The following LDLRAD4 variants were observed in gnomAD, a reference collection of about 807,000 sequenced individuals.
LDLRAD4 encodes low-density lipoprotein receptor class A domain-containing protein 4.
In LDLRAD4, 5 loss-of-function variants were observed where a neutral mutation model predicts 17.0. That is an observed-to-expected ratio of 0.29 (90% CI 0.15 to 0.62). The LOEUF is 0.62. Among genes scored for constraint, LDLRAD4 ranks in the 20% least tolerant of loss-of-function variants. The probability of loss-of-function intolerance (pLI) is 0.84; values close to 1 mark genes in which losing one functional copy is unlikely to be tolerated. For synonymous variants in LDLRAD4, 168 were observed against 171.8 expected, an observed-to-expected ratio of 0.98 and a Z score of 0.17; for missense variants, 340 against 424.7, an observed-to-expected ratio of 0.80 and a Z score of 1.75.
chr18:13,410,283 A>G (rs1454831694), intron 2 of LDLRAD4, among the ~76,000 whole-genome samples: 1 of 152,172 alleles, frequency 6.6e-6, no homozygotes, highest in Admixed American at 6.5e-5. Flanking sequence ...AGGCTCCTAG[A>G]TGGGATCCTG....
intron 3 of LDLRAD4, among the ~76,000 whole-genome samples, chr18:13,475,055 C>T (rs1202537816): frequency 1.3e-5 from 2 of 152,100 alleles, no homozygotes; most frequent in Non-Finnish European, 2.9e-5. Context: ...TGGGAAGCAC[C>T]CAAAGAAGCC....
intron 3 of LDLRAD4, among the ~76,000 whole-genome samples, chr18:13,537,464 A>T (rs1601195187): frequency 6.6e-6 from 1 of 152,136 alleles, no homozygotes; most frequent in Non-Finnish European, 1.5e-5. Context: ...TGCAACCTAG[A>T]TCCCTCACCT....
At position 13,460,541 on chromosome 18, in the gene LDLRAD4, C is replaced by T. The variant is rs187108242; in HGVS notation, c.181+22157C>T. Among the ~76,000 whole-genome samples the T allele has an allele frequency of 8.1e-4, 124 of 152,338 alleles. 1 individual carries two copies. The highest frequency in any genetic ancestry group is 2.8e-3 in the African/African-American group (117 of 41,566). ...ATTAGAGTGGACCCATGTCATCTGA[C>T]GAAGCCATGTGTCTGTTTTGTATTT... On this transcript the variant is annotated intron_variant, in intron 3 of 5. Transcript: ENST00000359446.
At chr18:13,352,881 A>G (rs1044761027) in intron 1 of LDLRAD4, among the ~76,000 whole-genome samples, 16 of 152,138 alleles carry the variant, frequency 1.1e-4, no homozygotes, top group African/African-American at 3.9e-4. Flanking sequence ...CCTGTAATAT[A>G]TTTTTGAAAA....
chr18:13,625,644 G>T (rs1391036764), intron 4 of LDLRAD4, among the ~76,000 whole-genome samples: 1 of 151,992 alleles, frequency 6.6e-6, no homozygotes, highest in African/African-American at 2.4e-5. Context: ...TGTCCCATAG[G>T]GTGTGCTCCT....
chr18:13,408,056 C>G (rs1421818430), intron 2 of LDLRAD4, among the ~76,000 whole-genome samples: 2 of 152,148 alleles, frequency 1.3e-5, no homozygotes, highest in African/African-American at 4.8e-5. Context: ...GTTACAATTA[C>G]TGTCACCTTA....
At position 13,546,722 on chromosome 18, in the gene LDLRAD4, G is replaced by A. The variant is rs1334096358; in HGVS notation, c.182-74395G>A. 5.3e-5 allele frequency among the ~76,000 whole-genome samples: 8 copies of A among 152,272 alleles called. No individual in the cohort carries two copies. The South Asian group carries it at 1.0e-3, about 20-fold the overall frequency. On this transcript the variant is annotated intron_variant, in intron 3 of 5. Transcript: ENST00000359446. Reference sequence around the variant, plus strand: ...ATGCAAGCTCATTAGGCCTGATGCTGTCGGGCACGTGGTTCCCCCATCCGC... The same window carrying A: ...ATGCAAGCTCATTAGGCCTGATGCTATCGGGCACGTGGTTCCCCCATCCGC...
intron 1 of LDLRAD4, among the ~76,000 whole-genome samples, chr18:13,291,720 T>C (rs966992989): frequency 6.6e-6 from 1 of 152,150 alleles, no homozygotes; most frequent in African/African-American, 2.4e-5. Context: ...ACTCCTGAAT[T>C]TTAACGAAGC....
intron 3 of LDLRAD4, among the ~76,000 whole-genome samples, chr18:13,586,492 A>T (rs1323541116): frequency 1.3e-5 from 2 of 151,524 alleles, no homozygotes; most frequent in Non-Finnish European, 2.9e-5. Context: ...CTGCCAACCA[A>T]GTGAAGTCAG....
chr18:13,350,771 A>G (rs1263792988), intron 1 of LDLRAD4, among the ~76,000 whole-genome samples: 1 of 152,170 alleles, frequency 6.6e-6, no homozygotes, highest in Non-Finnish European at 1.5e-5. Context: ...GAGGTTTTAC[A>G]TTTAAGTTTT....
At chr18:13,542,252 AC>A (rs942859946) in intron 3 of LDLRAD4, 4 of 152,196 alleles carry the variant, frequency 2.6e-5, no homozygotes, top group Non-Finnish European at 5.9e-5. Flanking sequence ...TTTAATCTCC[AC>A]TGTGAGACAG....
At chr18:13,441,918 C>T (rs974291760) in intron 3 of LDLRAD4, among the ~76,000 whole-genome samples, 1 of 152,098 alleles carries the variant, frequency 6.6e-6, no homozygotes, top group Non-Finnish European at 1.5e-5. Context: ...TTTGCATGGA[C>T]GTGGAGGTCT....
At chr18:13,293,639 A>G (rs1275088249) in intron 1 of LDLRAD4, among the ~76,000 whole-genome samples, 3 of 152,232 alleles carry the variant, frequency 2.0e-5, no homozygotes, top group African/African-American at 7.2e-5. Context: ...GGATTAAATC[A>G]TAACTTTAGA....
At position 13,444,281 on chromosome 18, in the gene LDLRAD4, C is replaced by G. The variant is rs1003456033; in HGVS notation, c.181+5897C>G. Among the ~76,000 whole-genome samples, 7 of 152,298 alleles carry G rather than the reference C, an allele frequency of 4.6e-5. No individual in the cohort carries two copies. In the South Asian group the frequency reaches 6.2e-4, roughly 14 times the overall value. ...TGGATAGCCAACTCCCAGGTCGCAT[C>G]TGGAATTTGGGGATTGTCAATGACC... On this transcript the variant is annotated intron_variant, in intron 3 of 5. Coordinates refer to ENST00000359446, the Ensembl canonical transcript of LDLRAD4.
intron 1 of LDLRAD4, among the ~76,000 whole-genome samples, chr18:13,301,151 C>T (rs78791893): frequency 0.072 from 11,008 of 152,202 alleles, 1,012 homozygotes; most frequent in East Asian, 0.43. Flanking sequence ...GCTGCCTACT[C>T]GGTCCTATCT....
At chr18:13,601,924 G>A (rs1041964956) in intron 3 of LDLRAD4, among the ~76,000 whole-genome samples, 3 of 152,194 alleles carry the variant, frequency 2.0e-5, no homozygotes, top group East Asian at 1.9e-4. Context: ...ATGTCCATCC[G>A]TAGTGGATGA....
intron 1 of LDLRAD4, among the ~76,000 whole-genome samples, chr18:13,345,874 T>G (rs1349740894): frequency 6.6e-6 from 1 of 152,218 alleles, no homozygotes. Context: ...ATAGAGGTGT[T>G]TATAGTATTC....
Position 13,370,715 on chromosome 18 carries a change from T to TTTTTTTTTTTGTTTG in LDLRAD4, c.-382-16616_-382-16615insGTTTGTTTTTTTTTT, listed in dbSNP as rs1555663257. ...TCTCTTTCATGGTTTTTTGTTTTGT[T>TTTTTTTTTTTGTTTG]TTTTTTTTTTTTTGAGATGGATTCT... On this transcript the variant is annotated intron_variant, in intron 1 of 5. Coordinates refer to ENST00000359446, the Ensembl canonical transcript of LDLRAD4. Among the ~76,000 whole-genome samples, 280 of 120,972 alleles carry TTTTTTTTTTTGTTTG rather than the reference T, an allele frequency of 2.3e-3. 5 individuals are homozygous for TTTTTTTTTTTGTTTG. Among genetic ancestry groups the TTTTTTTTTTTGTTTG allele is most frequent in the South Asian group, 5.8e-3 (22 of 3,826 alleles). The allele number at this position is 120,972 out of a possible 152,430, so 79.4% of individuals were successfully genotyped here.
rs547674987 is a variant in LDLRAD4 at position 13,307,742 on chromosome 18, C to A, written c.-383+29554C>A. 2.3e-4 allele frequency among the ~76,000 whole-genome samples: 35 copies of A among 152,238 alleles called. No homozygotes were observed. The South Asian group carries it at 4.6e-3, about 20-fold the overall frequency. ...CCCCTAATTTTTTAAATAACATTTT[C>A]TTTTCTGTAGTATACTGTATTATAA... On this transcript the variant is annotated intron_variant, in intron 1 of 5. Coordinates refer to ENST00000359446, the Ensembl canonical transcript of LDLRAD4.
Sources: allele counts gnomAD v4.1 joint callset (sites outside exome capture counted in the v4.1 genomes callset), GRCh38; gene constraint gnomAD v4.1.1; transcripts MANE v1.5; gene names NCBI Gene and HGNC (gene_info 2026-07-23, HGNC 2026-07-21).